TTLL6: variants seen among roughly 807,000 people sequenced by gnomAD.
TTLL6 encodes tubulin tyrosine ligase like 6.
TTLL6 carries 75 observed loss-of-function variants against 96.4 expected under a neutral mutation model. The observed-to-expected ratio is 0.78, with a 90% confidence interval of 0.65 to 0.94. TTLL6 has a LOEUF of 0.94. Ranked by LOEUF, TTLL6 falls within the 40% of genes least tolerant of loss-of-function variation. The pLI is 0.00. For missense variants in TTLL6, 1,030 were observed against 1,093.0 expected, an observed-to-expected ratio of 0.94 and a Z score of 0.81; for synonymous variants, 411 against 419.4, an observed-to-expected ratio of 0.98 and a Z score of 0.24.
At chr17:48,780,275 A>C (rs1278657450) in intron 13 of TTLL6, among the ~76,000 whole-genome samples, 1 of 151,994 alleles carries the variant, frequency 6.6e-6, no homozygotes, top group Non-Finnish European at 1.5e-5. Flanking sequence ...CGAACTCCTG[A>C]CCTCAAATGA....
At chr17:48,778,093 A>G (rs1161409154) in intron 13 of TTLL6, among the ~76,000 whole-genome samples, 1 of 151,900 alleles carries the variant, frequency 6.6e-6, no homozygotes, top group Non-Finnish European at 1.5e-5. Context: ...CCTGACCAAC[A>G]TGACTAAACC....
At chr17:48,798,944 C>T (rs1288518136) in intron 6 of TTLL6, among the ~76,000 whole-genome samples, 1 of 151,686 alleles carries the variant, frequency 6.6e-6, no homozygotes, top group Non-Finnish European at 1.5e-5. Context: ...ATTCTCCAGC[C>T]TCAGCCTCTA....
At chr17:48,800,335 A>G (rs539857232) in intron 5 of TTLL6, 1 of 152,500 alleles carries the variant, frequency 6.6e-6, no homozygotes, top group South Asian at 2.1e-4. Context: ...TATTTTGAGG[A>G]AAGTATATTC....
rs574506483 is a variant in TTLL6 at position 48,769,142 on chromosome 17, A to G, written c.2523T>C (p.Thr841=). Residue 841 remains threonine, a synonymous_variant, in exon 15 of 16, where the codon ACT becomes ACC. Coordinates refer to ENST00000393382, the MANE Select transcript of TTLL6 (RefSeq NM_001130918.3). Reference sequence around the variant, plus strand: ...TGGCAATCACCAGCAGGTCCCTCAGAGTAACATTATAGCTCTGAGGACTCT... The same window carrying G: ...TGGCAATCACCAGCAGGTCCCTCAGGGTAACATTATAGCTCTGAGGACTCT... ...LLQSPQSYNV[T]LRDLLVIATP... The G allele has an allele frequency of 1.4e-5, 23 of 1,614,168 alleles. No homozygotes were observed. The African/African-American group carries it at 3.1e-4, about 22-fold the overall frequency.
At chr17:48,807,213 G>A (rs12946138) in intron 1 of TTLL6, among the ~76,000 whole-genome samples, 10 of 150,386 alleles carry the variant, frequency 6.6e-5, no homozygotes, top group Non-Finnish European at 1.3e-4. Context: ...TCAGCCTCCC[G>A]AGTAGCTGGG....
chr17:48,767,814 T>C (rs2038646385), intron 15 of TTLL6, among the ~76,000 whole-genome samples: 1 of 152,136 alleles, frequency 6.6e-6, no homozygotes, highest in Non-Finnish European at 1.5e-5. Flanking sequence ...GAACCAAAGC[T>C]TCTCAAAGGC....
Position 48,770,063 on chromosome 17 carries a change from G to GTGGA in TTLL6, c.2071_2074dup (p.Thr692IlefsTer22), listed in dbSNP as rs746028963. 3.1e-6 allele frequency: 5 copies of GTGGA among 1,613,374 alleles called. No homozygotes were observed. The East Asian group carries it at 8.9e-5, about 29-fold the overall frequency. ...CTTTGGGGAGATTGAGAGTTGGGTG[G>GTGGA]TGGATTCTGGGGTGGTTTCTACGGA... On this transcript the variant is annotated frameshift_variant, in exon 14 of 16. Coordinates refer to ENST00000393382, the MANE Select transcript of TTLL6 (RefSeq NM_001130918.3). LOFTEE classifies it high-confidence loss of function.
chr17:48,809,270 G>T (rs371006592), intron 1 of TTLL6, among the ~76,000 whole-genome samples: 3 of 152,312 alleles, frequency 2.0e-5, no homozygotes, highest in East Asian at 3.9e-4. Context: ...ATTGTTCCCA[G>T]TGAACAGGCA....
chr17:48,785,267 C>A, intron 12 of TTLL6, 66 bp from the exon 13 acceptor site: 1 of 1,604,238 alleles, frequency 6.2e-7, no homozygotes, highest in Admixed American at 1.7e-5. Flanking sequence ...CCAGATTCAT[C>A]TGCACCCAGG....
At chr17:48,811,361 G>C (rs1005552705) in intron 1 of TTLL6, among the ~76,000 whole-genome samples, 6 of 151,924 alleles carry the variant, frequency 3.9e-5, no homozygotes, top group African/African-American at 1.5e-4. Context: ...GCAAGTGTGA[G>C]CCACCATGCC....
At chr17:48,802,789 T>A (rs2039446656) in intron 3 of TTLL6, among the ~76,000 whole-genome samples, 1 of 152,214 alleles carries the variant, frequency 6.6e-6, no homozygotes, top group African/African-American at 2.4e-5. Flanking sequence ...GAGAATCACT[T>A]GAACCCGGGA....
chr17:48,794,601 A>C (rs1432371747), intron 8 of TTLL6, among the ~76,000 whole-genome samples: 2 of 152,166 alleles, frequency 1.3e-5, no homozygotes, highest in African/African-American at 4.8e-5. Flanking sequence ...GGTGGGGAGG[A>C]GAGGAGGAAG....
At position 48,791,525 on chromosome 17, in the gene TTLL6, G is replaced by A; in HGVS notation, c.1077C>T (p.Val359=). Residue 359 remains valine (V), a synonymous_variant, in exon 9 of 16, where the codon GTC becomes GTT. Coordinates refer to ENST00000393382, the MANE Select transcript of TTLL6 (RefSeq NM_001130918.3). ...GGGCCGAGATGAGGGTCTTGATGAT[G>A]ACGTCCTCAATATCCCTCCATATCT... ...VEQIWRDIED[V]IIKTLISAHP... 6.2e-7 allele frequency: 1 copy of A among 1,614,192 alleles called. No homozygotes were observed. The highest frequency in any genetic ancestry group is 8.5e-7 in the Non-Finnish European group (1 of 1,180,038).
intron 6 of TTLL6, 62 bp downstream of exon 6, chr17:48,799,542 C>A: frequency 6.7e-7 from 1 of 1,484,028 alleles, no homozygotes; most frequent in Non-Finnish European, 9.1e-7. Flanking sequence ...ACATTCTGTC[C>A]AGTGGAGCTA....
At chr17:48,811,585 G>A (rs150544902) in intron 1 of TTLL6, among the ~76,000 whole-genome samples, 5 of 151,968 alleles carry the variant, frequency 3.3e-5, no homozygotes, top group Admixed American at 6.6e-5. Context: ...TAAACTATAT[G>A]CCTGACCCTA....
At position 48,790,073 on chromosome 17, in the gene TTLL6, G is replaced by T. The variant is rs147721948; in HGVS notation, c.1258C>A (p.Arg420=). 1 of 1,614,062 alleles carries T rather than the reference G, an allele frequency of 6.2e-7. No homozygotes were observed. Among genetic ancestry groups the T allele is most frequent in the Non-Finnish European group, 8.5e-7 (1 of 1,179,976 alleles). ...CCATCTTTCACCTCTTTATCCAACCGAGAGTCGGTGGAGAAGCTTGGAGAG... is the reference window on the plus strand; with the variant it reads ...CCATCTTTCACCTCTTTATCCAACCTAGAGTCGGTGGAGAAGCTTGGAGAG... ...NHSPSFSTDS[R]LDKEVKDGLL... Residue 420 remains arginine (R), a synonymous_variant, in exon 10 of 16, where the codon CGG becomes AGG. Transcript: ENST00000393382.
intron 5 of TTLL6, chr17:48,800,270 C>T (rs1248763867): frequency 6.5e-6 from 1 of 153,494 alleles, no homozygotes; most frequent in African/African-American, 2.4e-5. Flanking sequence ...AGTGTTTCGT[C>T]TGTGACACCT....
intron 10 of TTLL6, among the ~76,000 whole-genome samples, chr17:48,788,393 C>G (rs2039150206): frequency 6.6e-6 from 1 of 152,222 alleles, no homozygotes; most frequent in African/African-American, 2.4e-5. Flanking sequence ...CCTGGATGAC[C>G]TTGATGACCG....
chr17:48,803,689 A>C (rs1196406694), intron 3 of TTLL6, among the ~76,000 whole-genome samples: 1 of 152,224 alleles, frequency 6.6e-6, no homozygotes, highest in Non-Finnish European at 1.5e-5. Flanking sequence ...TGAAGTACAC[A>C]CCATTGTGGT....
Sources: allele counts gnomAD v4.1 joint callset (sites outside exome capture counted in the v4.1 genomes callset), GRCh38; gene constraint gnomAD v4.1.1; transcripts MANE v1.5; gene names NCBI Gene and HGNC (gene_info 2026-07-23, HGNC 2026-07-21).